Variants in RNF220 observed in about 807,000 individuals in gnomAD.
RNF220 encodes the protein E3 ubiquitin-protein ligase RNF220.
A neutral mutation model predicts 67.1 loss-of-function variants in RNF220; 7 were observed. The observed-to-expected ratio is 0.10, with a 90% CI of 0.06 to 0.20. The LOEUF (loss-of-function observed/expected upper bound fraction) is 0.20, where lower values mean the gene tolerates loss of function less well. RNF220 is among the 10% of genes least tolerant of loss of function. The pLI, the probability that RNF220 is intolerant of heterozygous loss-of-function variation, is 1.00. For synonymous variants in RNF220, 270 were observed against 283.2 expected (o/e 0.95, Z 0.47); for missense variants, 565 against 740.3 (o/e 0.76, Z 2.75).
At chr1:44,447,115 TTTAA>T (rs1465738351) in intron 2 of RNF220, among the ~76,000 whole-genome samples, 15 of 152,252 alleles carry the variant, frequency 9.9e-5, no homozygotes, top group Non-Finnish European at 2.9e-5. Context: ...AGTTCAATAC[TTTAA>T]TTATTAGTGT....
intron 4 of RNF220, among the ~76,000 whole-genome samples, chr1:44,625,106 C>G (rs1194691051): frequency 6.6e-6 from 1 of 152,132 alleles, no homozygotes; most frequent in Non-Finnish European, 1.5e-5. Context: ...CGGGGTGACC[C>G]ACACTGTTCC....
At position 44,622,277 on chromosome 1, in the gene RNF220, CA is replaced by C. The variant is rs1347716075; in HGVS notation, c.759-464del. 2.6e-5 allele frequency among the ~76,000 whole-genome samples: 4 copies of C among 152,304 alleles called. No individual in the cohort carries two copies. The highest frequency in any genetic ancestry group is 1.9e-4 in the East Asian group (1 of 5,184). On this transcript the variant is annotated intron_variant, in intron 3 of 14. Transcript: ENST00000361799. The surrounding 1 kb of genome is among the most constrained non-coding windows in gnomAD (Gnocchi z 4.3). ...AGGGCCTGGGGCTGACAAATTGAAT[CA>C]GGGGGAGATCATTCCTGGCCTAACA...
At chr1:44,508,509 G>C (rs1372052795) in intron 2 of RNF220, among the ~76,000 whole-genome samples, 2 of 152,222 alleles carry the variant, frequency 1.3e-5, no homozygotes, top group Non-Finnish European at 2.9e-5. Flanking sequence ...TGCCCCAAAA[G>C]ATGGAAGAAC....
chr1:44,461,614 G>C (rs1321513418), intron 2 of RNF220, among the ~76,000 whole-genome samples: 1 of 152,132 alleles, frequency 6.6e-6, no homozygotes, highest in South Asian at 2.1e-4. Context: ...GCCTGTCCTG[G>C]TATATAAATG....
At position 44,565,490 on chromosome 1, in the gene RNF220, G is replaced by T. The variant is rs1303890972; in HGVS notation, c.626-48675G>T. Among the ~76,000 whole-genome samples the T allele has an allele frequency of 6.6e-6, 1 of 152,158 alleles. No individual in the cohort carries two copies. The highest frequency in any genetic ancestry group is 1.5e-5 in the Non-Finnish European group (1 of 68,022). On this transcript the variant is annotated intron_variant, in intron 2 of 14. Coordinates refer to ENST00000361799, the MANE Select transcript of RNF220 (RefSeq NM_018150.4). This position sits in a 1 kb window ranked among gnomAD's most constrained non-coding sequence, Gnocchi z 4.2. ...TCTGCCCCTAGGAAGTGCAGGCTGGGGACAGCAGGCAGGAAGCAGTGGGCC... is the reference window on the plus strand; with the variant it reads ...TCTGCCCCTAGGAAGTGCAGGCTGGTGACAGCAGGCAGGAAGCAGTGGGCC...
At chr1:44,617,706 G>C (rs1321346189) in intron 3 of RNF220, among the ~76,000 whole-genome samples, 1 of 152,242 alleles carries the variant, frequency 6.6e-6, no homozygotes, top group Non-Finnish European at 1.5e-5. Flanking sequence ...TCCCTGAGCA[G>C]AGGGGCCTGA....
chr1:44,518,839 T>G (rs970744361), intron 2 of RNF220, among the ~76,000 whole-genome samples: 3 of 150,128 alleles, frequency 2.0e-5, no homozygotes, highest in African/African-American at 7.4e-5. Flanking sequence ...TGTGCCACTT[T>G]CCTCTAGCCT....
At chr1:44,544,796 G>A (rs531194100) in intron 2 of RNF220, among the ~76,000 whole-genome samples, 16 of 152,332 alleles carry the variant, frequency 1.1e-4, no homozygotes, top group African/African-American at 3.1e-4. Context: ...ACTCCACGGC[G>A]GATGCCTGAC....
At chr1:44,595,193 G>A (rs1334225474) in intron 2 of RNF220, among the ~76,000 whole-genome samples, 1 of 152,176 alleles carries the variant, frequency 6.6e-6, no homozygotes, top group African/African-American at 2.4e-5. Flanking sequence ...TGAGAAGCCT[G>A]GTGAAGGCTC....
chr1:44,426,814 A>G (rs1250920199), intron 2 of RNF220, among the ~76,000 whole-genome samples: 1 of 152,198 alleles, frequency 6.6e-6, no homozygotes, highest in Non-Finnish European at 1.5e-5. Context: ...ACCAGTAACA[A>G]GCAGATTCAT....
intron 2 of RNF220, among the ~76,000 whole-genome samples, chr1:44,574,146 T>C (rs1213854623): frequency 1.3e-5 from 2 of 151,998 alleles, no homozygotes; most frequent in Non-Finnish European, 2.9e-5. Flanking sequence ...AATGAACGAA[T>C]GAATGAATGA....
intron 2 of RNF220, among the ~76,000 whole-genome samples, chr1:44,594,248 C>T (rs1666312737): frequency 6.6e-6 from 1 of 152,152 alleles, no homozygotes; most frequent in Non-Finnish European, 1.5e-5. Context: ...AAGAAAAGCC[C>T]TGGAGGGCGC....
chr1:44,499,495 C>T (rs948331551), intron 2 of RNF220, among the ~76,000 whole-genome samples: 4 of 152,130 alleles, frequency 2.6e-5, no homozygotes, highest in African/African-American at 7.2e-5. Flanking sequence ...TTCCTCACTC[C>T]GCTTCTAGGA....
At chr1:44,502,153 T>TCACACA (rs1327801782) in intron 2 of RNF220, among the ~76,000 whole-genome samples, 12 of 116,922 alleles carry the variant, frequency 1.0e-4, no homozygotes, top group African/African-American at 3.7e-4. Flanking sequence ...TCTCTCTCTC[T>TCACACA]CTCTCACACA....
chr1:44,624,438 T>A lies in RNF220; in HGVS notation c.804+1651T>A, dbSNP rs1012213414. Among the ~76,000 whole-genome samples the A allele has an allele frequency of 6.6e-6, 1 of 152,122 alleles. No homozygotes were observed. On this transcript the variant is annotated intron_variant, in intron 4 of 14. Transcript: ENST00000361799. This position sits in a 1 kb window ranked among gnomAD's most constrained non-coding sequence, Gnocchi z 4.2. ...ACCCACACACACACTCAGGTCAGAA[T>A]ACAGACATAGGAAGTCTTAAAACAT...
At chr1:44,582,712 G>A (rs978095604) in intron 2 of RNF220, among the ~76,000 whole-genome samples, 12 of 142,972 alleles carry the variant, frequency 8.4e-5, no homozygotes, top group East Asian at 2.1e-4. Context: ...AGCAAAGATC[G>A]CGTTACTGCA....
chr1:44,429,482 A>C (rs1038376696), intron 2 of RNF220, among the ~76,000 whole-genome samples: 1 of 152,196 alleles, frequency 6.6e-6, no homozygotes, highest in African/African-American at 2.4e-5. Flanking sequence ...TGCAGAGGAA[A>C]TCGTAAGGGA....
chr1:44,499,720 T>C (rs1657660758), intron 2 of RNF220, among the ~76,000 whole-genome samples: 1 of 152,180 alleles, frequency 6.6e-6, no homozygotes, highest in East Asian at 1.9e-4. Context: ...ACCTCTCCCC[T>C]GAACTACAAA....
In RNF220 at chr1:44,412,444, G is replaced by A. The variant is rs773368865; in HGVS notation, c.347G>A (p.Gly116Asp). Residue 116 changes from glycine to aspartate, a missense_variant, in exon 2 of 15, where the codon GGT (glycine) becomes GAT (aspartate). Physicochemically the swap from Gly to Asp is moderately conservative, Grantham distance 94 (BLOSUM62 -1). Coordinates refer to ENST00000361799, the MANE Select transcript of RNF220 (RefSeq NM_018150.4). The surrounding 1 kb of genome is among the most constrained non-coding windows in gnomAD (Gnocchi z 5.3). ...CTPISMLNHS[G>D]VGAFRPFAST... is the part of the protein sequence containing the mutation. The stretch of plus-strand genomic sequence containing the variant: ...CCAATCAGTATGCTGAATCATAGTG[G>A]TGTGGGGGCTTTCCGGCCCTTTGCC... 7 of 1,612,010 alleles carry A rather than the reference G, an allele frequency of 4.3e-6. No homozygotes were observed. Among genetic ancestry groups the A allele is most frequent in the Non-Finnish European group, 5.1e-6 (6 of 1,178,254 alleles).
Sources: allele counts gnomAD v4.1 joint callset (sites outside exome capture counted in the v4.1 genomes callset), GRCh38; gene constraint gnomAD v4.1.1; non-coding constraint Gnocchi (gnomAD v3.1); transcripts MANE v1.5; gene names NCBI Gene and HGNC (gene_info 2026-07-23, HGNC 2026-07-21).